Variants in NIT2 observed in about 807,000 individuals in gnomAD.
NIT2 encodes the protein nitrilase family member 2, also known as omega-amidase NIT2.
NIT2 carries 46 observed loss-of-function variants against 42.7 expected under a neutral mutation model. That is an observed-to-expected ratio of 1.08 (90% CI 0.85 to 1.38). The LOEUF (loss-of-function observed/expected upper bound fraction) is 1.38. NIT2 is among the 40% of genes most tolerant of loss of function. The probability of loss-of-function intolerance (pLI) is 0.00; values close to 1 mark genes in which losing one functional copy is unlikely to be tolerated. For synonymous variants in NIT2, 123 were observed against 121.9 expected (o/e 1.01, Z -0.06); for missense variants, 309 against 342.5 (o/e 0.90, Z 0.77).
chr3:100,338,788 G>A (rs1706107740), intron 1 of NIT2, among the ~76,000 whole-genome samples: 1 of 152,168 alleles, frequency 6.6e-6, no homozygotes, highest in Non-Finnish European at 1.5e-5. Flanking sequence ...ATGGGACTTT[G>A]CCCATGGATA....
intron 4 of NIT2, among the ~76,000 whole-genome samples, chr3:100,342,418 T>C (rs919939696): frequency 2.0e-5 from 3 of 152,130 alleles, no homozygotes; most frequent in Admixed American, 2.0e-4. Flanking sequence ...TTTTACTTTT[T>C]TTTCCCTTTG....
intron 8 of NIT2, 149 bp downstream of exon 8, chr3:100,352,651 C>G (rs933864662): frequency 8.9e-6 from 5 of 564,814 alleles, no homozygotes; most frequent in African/African-American, 7.6e-5. Context: ...CTGCCTGTCT[C>G]TGTGAGAGGA....
At chr3:100,351,199 T>C (rs928914654) in intron 7 of NIT2, among the ~76,000 whole-genome samples, 2 of 152,240 alleles carry the variant, frequency 1.3e-5, no homozygotes, top group African/African-American at 4.8e-5. Flanking sequence ...CAGCATGATT[T>C]ATAGTCCTTT....
At chr3:100,341,701 A>G (rs752574124) in intron 4 of NIT2, among the ~76,000 whole-genome samples, 6 of 152,086 alleles carry the variant, frequency 3.9e-5, no homozygotes, top group Non-Finnish European at 8.8e-5. Flanking sequence ...ATTTCATTGA[A>G]TATATAGAGA....
In NIT2 at chr3:100,356,329, C is replaced by T. The variant is rs1220213423; in HGVS notation, c.*1061C>T. The T allele has an allele frequency of 6.6e-6, 1 of 152,226 alleles. No homozygotes were observed. The highest frequency in any genetic ancestry group is 2.4e-5 in the African/African-American group (1 of 41,460). The allele number at this position is 152,226 out of a possible 1,614,324, so 9.4% of individuals were successfully genotyped here. The stretch of plus-strand genomic sequence containing the variant: ...ATACTTAACCATGGCTGAGTTTGAG[C>T]TATCTGCATGACACCTCTAAACACA... On this transcript the variant is annotated 3_prime_UTR_variant, in exon 10 of 10. Coordinates refer to ENST00000394140, the MANE Select transcript of NIT2 (RefSeq NM_020202.5).
chr3:100,356,958 A>G lies in NIT2; in HGVS notation c.*1690A>G, dbSNP rs1706330831. 1 of 152,238 alleles carries G rather than the reference A, an allele frequency of 6.6e-6. No individual in the cohort carries two copies. The highest frequency in any genetic ancestry group is 6.5e-5 in the Admixed American group (1 of 15,284). The allele number at this position is 152,238 out of a possible 1,614,324, so 9.4% of individuals were successfully genotyped here. The stretch of plus-strand genomic sequence containing the variant: ...TTCACTCAAAATCACTCAAAATTAC[A>G]TACTCTGTATGTCTTCTTTCACTCA... On this transcript the variant is annotated 3_prime_UTR_variant, in exon 10 of 10. Transcript: ENST00000394140.
chr3:100,344,557 T>A lies in NIT2; in HGVS notation c.337-1028T>A, dbSNP rs113582491. On this transcript the variant is annotated intron_variant, in intron 4 of 9. Coordinates refer to ENST00000394140, the MANE Select transcript of NIT2 (RefSeq NM_020202.5). ...ACGCTTTCTTTACTTTCTCTCAATT[T>A]CTTTTTATAGTTTTTTGGGTATAAT... 1.9e-3 allele frequency among the ~76,000 whole-genome samples: 285 copies of A among 152,366 alleles called. 1 individual carries two copies. The highest frequency in any genetic ancestry group is 6.4e-3 in the African/African-American group (266 of 41,596).
chr3:100,359,357 CTT>C lies in NIT2; in HGVS notation c.*4092_*4093del, dbSNP rs1706352402. On this transcript the variant is annotated 3_prime_UTR_variant, in exon 10 of 10. Transcript: ENST00000394140. ...CCGTTGTGCTAACTAGGCTTTAAGT[CTT>C]TTGTCTGTAGATTCATTCTCAAAGT... 1.3e-5 allele frequency: 2 copies of C among 152,218 alleles called. No homozygotes were observed. The highest frequency in any genetic ancestry group is 2.1e-4 in the South Asian group (1 of 4,830). The allele number at this position is 152,218 out of a possible 1,614,324, so 9.4% of individuals were successfully genotyped here. A position where few individuals can be genotyped will look rare whatever the true frequency, so the allele number is the denominator to read the frequency against.
rs748400601 is a variant in NIT2, at chr3:100,348,838, C to G, written c.541C>G (p.Leu181Val). 6.8e-6 allele frequency: 11 copies of G among 1,614,080 alleles called. No individual in the cohort carries two copies. The highest frequency in any genetic ancestry group is 9.3e-6 in the Non-Finnish European group (11 of 1,179,946). ...QLLVYPGAFN[L>V]TTGPAHWELL... ...GTTGGTATATCCAGGAGCTTTTAAT[C>G]TGACCACTGGACCAGCCCATTGGGA... Residue 181 changes from leucine to valine, a missense_variant, in exon 7 of 10, where the codon CTG (leucine) becomes GTG (valine). By Grantham distance (32) the Leu-to-Val change is conservative (BLOSUM62 1). Transcript: ENST00000394140.
At position 100,358,984 on chromosome 3, in the gene NIT2, C is replaced by T. The variant is rs918545301; in HGVS notation, c.*3716C>T. 1.1e-4 allele frequency: 17 copies of T among 152,182 alleles called. No homozygotes were observed. Among genetic ancestry groups the T allele is most frequent in the Non-Finnish European group, 1.8e-4 (12 of 68,042 alleles). The allele number at this position is 152,182 out of a possible 1,614,324, so 9.4% of individuals were successfully genotyped here. ...GGCTCTTCCTTATGCCTCATAACCACCTGTGTGTGACAGTTTCACATTTCC... is the reference window on the plus strand; with the variant it reads ...GGCTCTTCCTTATGCCTCATAACCATCTGTGTGTGACAGTTTCACATTTCC... On this transcript the variant is annotated 3_prime_UTR_variant, in exon 10 of 10. Coordinates refer to ENST00000394140, the MANE Select transcript of NIT2 (RefSeq NM_020202.5).
rs114208385 is a variant in NIT2 at position 100,338,280 on chromosome 3, A to G, written c.8-807A>G. 4.0e-3 allele frequency among the ~76,000 whole-genome samples: 613 copies of G among 152,314 alleles called. 3 individuals are homozygous for G. Among genetic ancestry groups the G allele is most frequent in the South Asian group, 7.7e-3 (37 of 4,832 alleles). Reference sequence around the variant, plus strand: ...TGTGGGGCCCAGTTCCCTTGTTCAGATAGCAAGAGAAAAGTGCTGTTAGCT... The same window carrying G: ...TGTGGGGCCCAGTTCCCTTGTTCAGGTAGCAAGAGAAAAGTGCTGTTAGCT... On this transcript the variant is annotated intron_variant, in intron 1 of 9. Transcript: ENST00000394140.
intron 1 of NIT2, 29 bp downstream of exon 1, chr3:100,334,827 C>T (rs375070277): frequency 1.6e-6 from 2 of 1,243,454 alleles, no homozygotes; most frequent in East Asian, 6.2e-5. Context: ...CGCTGCAGCT[C>T]GAGTTCGGGC....
At chr3:100,342,562 C>T (rs996025027) in intron 4 of NIT2, among the ~76,000 whole-genome samples, 1 of 150,258 alleles carries the variant, frequency 6.7e-6, no homozygotes, top group Admixed American at 6.6e-5. Context: ...TTATCATATG[C>T]ATCCTTAACT....
Position 100,359,750 on chromosome 3 carries a change from T to C in NIT2, c.*4482T>C, listed in dbSNP as rs1258640393. On this transcript the variant is annotated 3_prime_UTR_variant, in exon 10 of 10. Coordinates refer to ENST00000394140, the MANE Select transcript of NIT2 (RefSeq NM_020202.5). ...TATATGCCGATAATTCTCATTCACATAGCTCTCCTGTTGGCTTTTCCCCAC... is the reference window on the plus strand; with the variant it reads ...TATATGCCGATAATTCTCATTCACACAGCTCTCCTGTTGGCTTTTCCCCAC... 1 of 152,238 alleles carries C rather than the reference T, an allele frequency of 6.6e-6. No homozygotes were observed. The highest frequency in any genetic ancestry group is 2.4e-5 in the African/African-American group (1 of 41,462). The allele number at this position is 152,238 out of a possible 1,614,324, so 9.4% of individuals were successfully genotyped here.
intron 7 of NIT2, among the ~76,000 whole-genome samples, chr3:100,351,041 A>AT (rs1317111278): frequency 1.3e-5 from 2 of 152,036 alleles, no homozygotes; most frequent in African/African-American, 2.4e-5. Flanking sequence ...TGAACTCATC[A>AT]TTTTTTATGG....
chr3:100,355,406 C>G lies in NIT2; in HGVS notation c.*138C>G. ...TAGGTTCTCTATTGAGATGAGAAAG[C>G]CTCATTATGCTGACATTTTCCACGC... On this transcript the variant is annotated 3_prime_UTR_variant, in exon 10 of 10. Transcript: ENST00000394140. The G allele has an allele frequency of 9.9e-6, 6 of 603,080 alleles. No individual in the cohort carries two copies. Among genetic ancestry groups the G allele is most frequent in the Middle Eastern group, 3.5e-4 (1 of 2,864 alleles). The allele number at this position is 603,080 out of a possible 1,614,324, so 37.4% of individuals were successfully genotyped here. A position where few individuals can be genotyped will look rare whatever the true frequency, so the allele number is the denominator to read the frequency against.
intron 1 of NIT2, among the ~76,000 whole-genome samples, chr3:100,336,218 C>T (rs1576197098): frequency 6.6e-6 from 1 of 152,148 alleles, no homozygotes; most frequent in South Asian, 2.1e-4. Flanking sequence ...TTTCTGGAGA[C>T]ATTTGCGTTG....
At chr3:100,342,414 T>C (rs1706166575) in intron 4 of NIT2, among the ~76,000 whole-genome samples, 1 of 151,974 alleles carries the variant, frequency 6.6e-6, no homozygotes, top group Non-Finnish European at 1.5e-5. Context: ...GACATTTTAC[T>C]TTTTTTTCCC....
At chr3:100,350,977 A>G (rs914795456) in intron 7 of NIT2, among the ~76,000 whole-genome samples, 3 of 152,018 alleles carry the variant, frequency 2.0e-5, no homozygotes, top group Admixed American at 6.5e-5. Flanking sequence ...TGTGCTTGCA[A>G]TAGTTTACTG....
Sources: gnomAD v4.1 joint callset for allele counts (sites outside exome capture counted in the v4.1 genomes callset) on GRCh38, gnomAD v4.1.1 for gene constraint, MANE v1.5 for transcripts, NCBI Gene and HGNC (gene_info 2026-07-23, HGNC 2026-07-21) for gene names.